The following PIGL variants were observed in gnomAD, a reference collection of about 807,000 sequenced individuals.
PIGL encodes the protein phosphatidylinositol glycan anchor biosynthesis class L.
A neutral mutation model predicts 31.1 loss-of-function variants in PIGL; 22 were observed. The ratio of observed to expected loss-of-function variants is 0.71; its 90% confidence interval spans 0.51 to 1.01. The LOEUF (loss-of-function observed/expected upper bound fraction) is 1.01. Among genes scored for constraint, PIGL ranks in the 50% least tolerant of loss-of-function variants. The pLI, the probability that PIGL is intolerant of heterozygous loss-of-function variation, is 0.00. For missense variants in PIGL, 302 were observed against 315.9 expected, an observed-to-expected ratio of 0.96 and a Z score of 0.33; for synonymous variants, 131 against 117.4, an observed-to-expected ratio of 1.12 and a Z score of -0.75.
At chr17:16,317,987 A>C (rs1568846447) in intron 6 of PIGL, 79 bp downstream of exon 6, 23 of 1,268,628 alleles carry the variant, frequency 1.8e-5, no homozygotes, top group Non-Finnish European at 1.7e-5. Context: ...CCACCTCTGC[A>C]GAAGCCCTAA....
At chr17:16,266,649 G>A (rs1381293322) in intron 2 of PIGL, among the ~76,000 whole-genome samples, 1 of 151,736 alleles carries the variant, frequency 6.6e-6, no homozygotes, top group Non-Finnish European at 1.5e-5. Flanking sequence ...AAGGTGGAGT[G>A]CAGTGGCGCT....
intron 3 of PIGL, 138 bp from the exon 4 acceptor site, chr17:16,313,409 T>C: frequency 2.8e-6 from 2 of 705,200 alleles, no homozygotes; most frequent in South Asian, 1.6e-5. Flanking sequence ...ACTGATCTGC[T>C]CAGAAGTCAC....
intron 2 of PIGL, among the ~76,000 whole-genome samples, chr17:16,256,211 A>T (rs1185357450): frequency 6.6e-6 from 1 of 152,238 alleles, no homozygotes; most frequent in Non-Finnish European, 1.5e-5. Context: ...CAACTGAAAC[A>T]TCTAGCAGTA....
At chr17:16,246,750 A>G (rs1166819471) in intron 2 of PIGL, among the ~76,000 whole-genome samples, 2 of 133,204 alleles carry the variant, frequency 1.5e-5, no homozygotes, top group African/African-American at 2.8e-5. Flanking sequence ...CAGTGGCGCA[A>G]TCTCGGCTCA....
Position 16,317,812 on chromosome 17 carries a change from G to A in PIGL, c.564G>A (p.Leu188=). 6.2e-7 allele frequency: 1 copy of A among 1,614,112 alleles called. No homozygotes were observed. The highest frequency in any genetic ancestry group is 8.5e-7 in the Non-Finnish European group (1 of 1,180,022). ...SVLTLQSVNV[L]RKYISLLDLP... ...TCACGCTTCAGTCTGTGAATGTGCT[G>A]CGCAAGTACATCTCCCTTCTGGATC... Residue 188 remains leucine (L), a synonymous_variant, in exon 6 of 7, where the codon CTG becomes CTA. Coordinates refer to ENST00000225609, the MANE Select transcript of PIGL (RefSeq NM_004278.4).
intron 5 of PIGL, chr17:16,317,556 G>A: frequency 7.5e-7 from 1 of 1,338,608 alleles, no homozygotes. Context: ...CACACCGCAG[G>A]GTAGAGGGTA....
chr17:16,326,077 G>GA lies in PIGL; in HGVS notation c.*185dup, dbSNP rs2093126198. ...TCCAAACTCCAGCTTCTTCCCCTGGGAAAAAACCCAAAGAACCAAAAACAA... is the reference window on the plus strand; with the variant it reads ...TCCAAACTCCAGCTTCTTCCCCTGGGAAAAAAACCCAAAGAACCAAAAACAA... On this transcript the variant is annotated 3_prime_UTR_variant, in exon 7 of 7. Transcript: ENST00000225609. The GA allele has an allele frequency of 3.6e-6, 2 of 560,958 alleles. No individual in the cohort carries two copies. The highest frequency in any genetic ancestry group is 2.4e-5 in the South Asian group (1 of 41,378). 34.7% of individuals were successfully genotyped at this position (560,958 alleles called of 1,614,324 possible).
At chr17:16,291,411 G>A (rs2142818174) in intron 2 of PIGL, among the ~76,000 whole-genome samples, 1 of 150,738 alleles carries the variant, frequency 6.6e-6, no homozygotes, top group Middle Eastern at 3.4e-3. Flanking sequence ...GGAGGCTGAA[G>A]TAGGAGAATC....
intron 2 of PIGL, among the ~76,000 whole-genome samples, chr17:16,274,807 G>A (rs572104848): frequency 1.3e-5 from 2 of 151,878 alleles, no homozygotes. Context: ...CGAGGGGGGC[G>A]GATCACCTAA....
At chr17:16,282,454 C>T (rs924177346) in intron 2 of PIGL, among the ~76,000 whole-genome samples, 5 of 151,796 alleles carry the variant, frequency 3.3e-5, no homozygotes, top group Admixed American at 2.0e-4. Context: ...TGTAAAATAT[C>T]TAATTTTACA....
At chr17:16,274,624 G>A (rs951252430) in intron 2 of PIGL, among the ~76,000 whole-genome samples, 2 of 151,942 alleles carry the variant, frequency 1.3e-5, no homozygotes, top group African/African-American at 2.4e-5. Flanking sequence ...TTGGGAGGCT[G>A]AGGCAGGAGA....
intron 3 of PIGL, among the ~76,000 whole-genome samples, chr17:16,308,817 A>C (rs1338002677): frequency 7.5e-6 from 1 of 133,932 alleles, no homozygotes; most frequent in Admixed American, 8.0e-5. Context: ...TTTTCGAGAC[A>C]AGGTCTCCCT....
In PIGL at chr17:16,326,102, A is replaced by C; in HGVS notation, c.*204A>C. ...GAAAAAACCCAAAGAACCAAAAACA[A>C]ACCACCCCAAGGATAATAATAGCTA... is the stretch of plus-strand genomic sequence containing the variant. On this transcript the variant is annotated 3_prime_UTR_variant, in exon 7 of 7. Coordinates refer to ENST00000225609, the MANE Select transcript of PIGL (RefSeq NM_004278.4). The C allele has an allele frequency of 1.8e-6, 1 of 560,420 alleles. No individual in the cohort carries two copies. Among genetic ancestry groups the C allele is most frequent in the South Asian group, 2.4e-5 (1 of 42,088 alleles). The allele number at this position is 560,420 out of a possible 1,614,324, so 34.7% of individuals were successfully genotyped here.
At chr17:16,303,902 G>C (rs979562401) in intron 3 of PIGL, among the ~76,000 whole-genome samples, 8 of 152,032 alleles carry the variant, frequency 5.3e-5, no homozygotes, top group African/African-American at 1.9e-4. Context: ...TTTTAGTAGA[G>C]ACGGGGTTTC....
intron 1 of PIGL, among the ~76,000 whole-genome samples, chr17:16,232,507 C>A (rs2092683207): frequency 6.6e-6 from 1 of 152,080 alleles, no homozygotes; most frequent in African/African-American, 2.4e-5. Context: ...CTTCAGCTTC[C>A]AGAACTGTTG....
At chr17:16,292,457 A>G (rs1292010424) in intron 2 of PIGL, among the ~76,000 whole-genome samples, 1 of 151,284 alleles carries the variant, frequency 6.6e-6, no homozygotes, top group Non-Finnish European at 1.5e-5. Context: ...CTTTCCATCT[A>G]CTCTTCATAG....
At chr17:16,317,030 T>G in intron 5 of PIGL, 1 of 1,128,770 alleles carries the variant, frequency 8.9e-7, no homozygotes, top group Non-Finnish European at 1.1e-6. Context: ...CCCAACCAAT[T>G]AGGCAGGTTG....
intron 6 of PIGL, among the ~76,000 whole-genome samples, chr17:16,318,841 G>A (rs2093090178): frequency 6.6e-6 from 1 of 151,872 alleles, no homozygotes; most frequent in Admixed American, 6.6e-5. Flanking sequence ...TGAGGCAGAA[G>A]AATCGCATGA....
chr17:16,217,631 C>CT, intron 1 of PIGL, 170 bp downstream of exon 1: 1 of 542,318 alleles, frequency 1.8e-6, no homozygotes, highest in South Asian at 2.9e-5. Flanking sequence ...GCCGGCTTAC[C>CT]TGGTGGGTTG....
Sources: allele counts gnomAD v4.1 joint callset (sites outside exome capture counted in the v4.1 genomes callset), GRCh38; gene constraint gnomAD v4.1.1; transcripts MANE v1.5; gene names NCBI Gene and HGNC (gene_info 2026-07-23, HGNC 2026-07-21).